LHFPL3: variants seen among roughly 807,000 people sequenced by gnomAD.
The protein encoded by LHFPL3 is LHFPL tetraspan subfamily member 3.
LHFPL3 carries 5 observed loss-of-function variants against 19.3 expected under a neutral mutation model. The observed-to-expected ratio is 0.26, with a 90% confidence interval of 0.14 to 0.54. The LOEUF (loss-of-function observed/expected upper bound fraction) is 0.54, where lower values mean the gene tolerates loss of function less well. Ranked by LOEUF, LHFPL3 falls within the 20% of genes least tolerant of loss-of-function variation. The pLI, the probability that LHFPL3 is intolerant of heterozygous loss-of-function variation, is 0.94. For missense variants in LHFPL3, 249 were observed against 307.4 expected (o/e 0.81, Z 1.42); for synonymous variants, 133 against 126.2 (o/e 1.05, Z -0.36).
chr7:104,419,025 G>T (rs1791677768), intron 1 of LHFPL3, among the ~76,000 whole-genome samples: 2 of 152,224 alleles, frequency 1.3e-5, no homozygotes, highest in African/African-American at 4.8e-5. Flanking sequence ...TACACAGCTA[G>T]TAGTAGATTT....
At chr7:104,347,321 G>A (rs1207712349) in intron 1 of LHFPL3, among the ~76,000 whole-genome samples, 1 of 152,132 alleles carries the variant, frequency 6.6e-6, no homozygotes, top group African/African-American at 2.4e-5. Context: ...ATTGAGTAAG[G>A]TCAGTCCTTT....
intron 2 of LHFPL3, among the ~76,000 whole-genome samples, chr7:104,787,644 G>A (rs940506188): frequency 2.4e-4 from 36 of 152,268 alleles, no homozygotes; most frequent in Admixed American, 2.0e-3. Flanking sequence ...TTGAGCTCTT[G>A]GGCTCAAGCA....
chr7:104,815,992 A>T (rs564698528), intron 2 of LHFPL3, among the ~76,000 whole-genome samples: 31 of 152,220 alleles, frequency 2.0e-4, no homozygotes, highest in African/African-American at 7.5e-4. Context: ...TGACCACCAC[A>T]TTCCATATAG....
At chr7:104,562,967 G>T (rs1199160040) in intron 1 of LHFPL3, among the ~76,000 whole-genome samples, 3 of 152,138 alleles carry the variant, frequency 2.0e-5, no homozygotes, top group South Asian at 2.1e-4. Flanking sequence ...TGCCTCTGCT[G>T]GGGGGTGCTT....
intron 1 of LHFPL3, among the ~76,000 whole-genome samples, chr7:104,657,154 C>T (rs529290205): frequency 2.6e-5 from 4 of 152,228 alleles, no homozygotes; most frequent in African/African-American, 7.2e-5. Context: ...ATTGATATTA[C>T]GAATTCCTCT....
chr7:104,800,126 A>C (rs1210094977), intron 2 of LHFPL3: 2 of 152,364 alleles, frequency 1.3e-5, no homozygotes, highest in Non-Finnish European at 2.9e-5. Flanking sequence ...TCCCTAAACC[A>C]AAGATGTCCT....
chr7:104,877,565 A>G (rs1449473939), intron 2 of LHFPL3, among the ~76,000 whole-genome samples: 1 of 152,206 alleles, frequency 6.6e-6, no homozygotes, highest in East Asian at 1.9e-4. Context: ...CAAAACCACA[A>G]TGAGATATCA....
intron 1 of LHFPL3, among the ~76,000 whole-genome samples, chr7:104,623,792 A>T (rs1791495296): frequency 6.6e-6 from 1 of 152,244 alleles, no homozygotes; most frequent in South Asian, 2.1e-4. Context: ...AGCCAAAGCC[A>T]GCATTAACTG....
rs537255341 is a variant in LHFPL3 at position 104,807,145 on chromosome 7, G to A, written c.682+70234G>A. Among the ~76,000 whole-genome samples, 3 of 152,116 alleles carry A rather than the reference G, an allele frequency of 2.0e-5. No individual in the cohort carries two copies. The South Asian group carries it at 6.2e-4, about 32-fold the overall frequency. On this transcript the variant is annotated intron_variant, in intron 2 of 2. Transcript: ENST00000424859. Reference sequence around the variant, plus strand: ...TAATCAAAATTAAAGTAGGTCATGAGGGTGGGCCTCAGTCTAATATGACTG... The same window carrying A: ...TAATCAAAATTAAAGTAGGTCATGAAGGTGGGCCTCAGTCTAATATGACTG...
intron 1 of LHFPL3, among the ~76,000 whole-genome samples, chr7:104,487,231 A>T (rs910201416): frequency 6.6e-6 from 1 of 152,252 alleles, no homozygotes; most frequent in Non-Finnish European, 1.5e-5. Flanking sequence ...CCTATTCCTG[A>T]TTACACAACC....
intron 1 of LHFPL3, among the ~76,000 whole-genome samples, chr7:104,540,088 A>C (rs1425648119): frequency 6.6e-6 from 1 of 152,154 alleles, no homozygotes; most frequent in African/African-American, 2.4e-5. Flanking sequence ...TTTGGGCCTT[A>C]ATCTCTCAAT....
At chr7:104,657,155 G>T (rs932376505) in intron 1 of LHFPL3, among the ~76,000 whole-genome samples, 1 of 152,136 alleles carries the variant, frequency 6.6e-6, no homozygotes, top group African/African-American at 2.4e-5. Context: ...TTGATATTAC[G>T]AATTCCTCTC....
At chr7:104,365,443 A>AT (rs35142244) in intron 1 of LHFPL3, among the ~76,000 whole-genome samples, 55,539 of 149,984 alleles carry the variant, frequency 0.37, 10,535 homozygotes, top group Admixed American at 0.48. Flanking sequence ...TGTTTTTGTG[A>AT]TTTTTTTTTT....
At chr7:104,444,910 C>T in intron 1 of LHFPL3, among the ~76,000 whole-genome samples, 1 of 152,056 alleles carries the variant, frequency 6.6e-6, no homozygotes, top group Non-Finnish European at 1.5e-5. Flanking sequence ...ATCGCTTGAA[C>T]CTGGGAGGTG....
intron 1 of LHFPL3, among the ~76,000 whole-genome samples, chr7:104,517,488 T>G (rs1174320961): frequency 1.3e-5 from 2 of 150,890 alleles, no homozygotes; most frequent in Admixed American, 6.6e-5. Context: ...ACTCAAATTA[T>G]TCAAATAATT....
intron 2 of LHFPL3, among the ~76,000 whole-genome samples, chr7:104,807,004 A>AAT (rs200659805): frequency 0.013 from 1,613 of 123,978 alleles, 13 homozygotes; most frequent in African/African-American, 0.025. Flanking sequence ...GCCCCACCAA[A>AAT]ATATATATGT....
chr7:104,726,429 G>A (rs1211096876), intron 1 of LHFPL3, among the ~76,000 whole-genome samples: 4 of 151,682 alleles, frequency 2.6e-5, no homozygotes, highest in Admixed American at 6.6e-5. Flanking sequence ...CTATCAAGCC[G>A]TCACCTAGGT....
chr7:104,547,730 G>A (rs1422331671), intron 1 of LHFPL3, among the ~76,000 whole-genome samples: 3 of 152,016 alleles, frequency 2.0e-5, no homozygotes. Context: ...CTTTCTCATA[G>A]CAAAAGGCAT....
intron 1 of LHFPL3, among the ~76,000 whole-genome samples, chr7:104,396,988 G>C (rs1212857223): frequency 6.6e-6 from 1 of 151,914 alleles, no homozygotes; most frequent in Admixed American, 6.6e-5. Flanking sequence ...AGAAAAGCTC[G>C]CAGAGATTTC....
Sources: gnomAD v4.1 joint callset for allele counts (sites outside exome capture counted in the v4.1 genomes callset) on GRCh38, gnomAD v4.1.1 for gene constraint, MANE v1.5 for transcripts, NCBI Gene and HGNC (gene_info 2026-07-23, HGNC 2026-07-21) for gene names.